Variants in PAX5 observed in about 807,000 individuals in gnomAD.
PAX5 encodes the protein paired box 5, also known as paired box protein Pax-5.
Under a neutral mutation model 43.7 loss-of-function variants are expected in PAX5, and 9 were observed. The ratio of observed to expected loss-of-function variants is 0.21; its 90% CI spans 0.12 to 0.36. PAX5 has a LOEUF of 0.36. PAX5 is among the 10% of genes least tolerant of loss of function. The probability of loss-of-function intolerance (pLI) is 1.00; values close to 1 mark genes in which losing one functional copy is unlikely to be tolerated. For missense variants in PAX5, 383 were observed against 532.7 expected (o/e 0.72, Z 2.77); for synonymous variants, 228 against 214.3 (o/e 1.06, Z -0.56).
intron 8 of PAX5, among the ~76,000 whole-genome samples, chr9:36,875,012 G>A (rs1309294168): frequency 1.3e-5 from 2 of 152,184 alleles, no homozygotes; most frequent in African/African-American, 2.4e-5. Flanking sequence ...GGGCCCTGAG[G>A]AGTTATGTAA....
intron 1 of PAX5, 89 bp downstream of exon 1, chr9:37,033,897 C>T: frequency 8.5e-7 from 1 of 1,180,002 alleles, no homozygotes; most frequent in Non-Finnish European, 1.3e-6. Flanking sequence ...GCGGCGCGCC[C>T]CCTCCTCCTC....
chr9:36,898,407 C>T (rs954152915), intron 7 of PAX5, among the ~76,000 whole-genome samples: 14 of 152,262 alleles, frequency 9.2e-5, no homozygotes, highest in African/African-American at 1.7e-4. Context: ...GAAGGAGGCA[C>T]GTGGGGTCTG....
rs1403558877 is a variant in PAX5 at position 36,883,969 on chromosome 9, T to C, written c.911-1864A>G. On this transcript the variant is annotated intron_variant, in intron 7 of 9. Transcript: ENST00000358127. ...GAGTCAGAGAATACCAACATCCCAA[T>C]AATCTTAGAAGAAATAGAAAAAGTT... 3.3e-5 allele frequency among the ~76,000 whole-genome samples: 5 copies of C among 152,106 alleles called. No homozygotes were observed. The East Asian group carries it at 7.7e-4, about 23-fold the overall frequency.
intron 6 of PAX5, among the ~76,000 whole-genome samples, chr9:36,965,526 C>CTCT (rs1204151044): frequency 6.6e-6 from 1 of 152,246 alleles, no homozygotes; most frequent in African/African-American, 2.4e-5. Context: ...AGAGGCCCTG[C>CTCT]TCTTCCCTCA....
chr9:37,014,952 G>T, intron 3 of PAX5, 45 bp downstream of exon 3: 1 of 1,566,326 alleles, frequency 6.4e-7, no homozygotes, highest in Non-Finnish European at 8.8e-7. Flanking sequence ...AGGATGCCCT[G>T]CCATCCCTCC....
At chr9:36,946,225 C>G (rs1178981265) in intron 6 of PAX5, among the ~76,000 whole-genome samples, 1 of 152,148 alleles carries the variant, frequency 6.6e-6, no homozygotes, top group Non-Finnish European at 1.5e-5. Context: ...CCCTGAGGCT[C>G]GCAGAGGGGC....
intron 8 of PAX5, 131 bp from the exon 9 acceptor site, chr9:36,847,060 C>A: frequency 1.6e-6 from 1 of 624,520 alleles, no homozygotes; most frequent in Non-Finnish European, 2.9e-6. Context: ...CTTTTGTAAC[C>A]AACAAAAGCA....
chr9:36,957,193 T>C (rs1283979125), intron 6 of PAX5, among the ~76,000 whole-genome samples: 2 of 152,240 alleles, frequency 1.3e-5, no homozygotes, highest in African/African-American at 2.4e-5. Flanking sequence ...AGGTTTCCCA[T>C]AGGAAGGCCC....
At position 36,848,350 on chromosome 9, in the gene PAX5, C is replaced by CCACACACACACACACACACACACACACA. The variant is rs55793420; in HGVS notation, c.1013-1449_1013-1422dup. 1.9e-3 allele frequency among the ~76,000 whole-genome samples: 255 copies of CCACACACACACACACACACACACACACA among 136,446 alleles called. 6 individuals are homozygous for CCACACACACACACACACACACACACACA. The highest frequency in any genetic ancestry group is 4.7e-3 in the African/African-American group (165 of 35,150). The allele number at this position is 136,446 out of a possible 152,430, so 89.5% of individuals were successfully genotyped here. ...CCTCACAACCACAGGCAGAGCGTGT[C>CCACACACACACACACACACACACACACA]CACACACACACACACACACACACAC... On this transcript the variant is annotated intron_variant, in intron 8 of 9. Coordinates refer to ENST00000358127, the MANE Select transcript of PAX5 (RefSeq NM_016734.3).
chr9:36,844,335 T>C (rs1233512261), intron 9 of PAX5, among the ~76,000 whole-genome samples: 3 of 152,182 alleles, frequency 2.0e-5, no homozygotes, highest in Non-Finnish European at 4.4e-5. Flanking sequence ...TGACCTGAAT[T>C]TAAATCCTCC....
At chr9:36,907,641 G>A (rs1828933058) in intron 7 of PAX5, among the ~76,000 whole-genome samples, 1 of 152,214 alleles carries the variant, frequency 6.6e-6, no homozygotes, top group Non-Finnish European at 1.5e-5. Flanking sequence ...AGACAGGGTG[G>A]AAGCTCTTTA....
At chr9:36,961,187 A>C (rs1019509950) in intron 6 of PAX5, among the ~76,000 whole-genome samples, 2 of 152,250 alleles carry the variant, frequency 1.3e-5, no homozygotes, top group African/African-American at 4.8e-5. Context: ...CCTTCCCAGG[A>C]ACAGGATGCC....
intron 6 of PAX5, among the ~76,000 whole-genome samples, chr9:36,924,768 GAA>G: frequency 7.6e-5 from 5 of 66,134 alleles, no homozygotes; most frequent in Non-Finnish European, 1.2e-4. Flanking sequence ...AGGAAGGAAG[GAA>G]GGAAGGAAGG....
intron 5 of PAX5, among the ~76,000 whole-genome samples, chr9:36,986,851 C>G (rs919869121): frequency 2.0e-5 from 3 of 152,214 alleles, no homozygotes; most frequent in African/African-American, 7.2e-5. Context: ...TTGAGCGACT[C>G]GCTTCCTGCT....
chr9:37,020,909 C>T, intron 1 of PAX5, 108 bp from the exon 2 acceptor site: 1 of 1,197,610 alleles, frequency 8.3e-7, no homozygotes, highest in South Asian at 1.4e-5. Context: ...AAATGGCCGG[C>T]AGGCTGGATG....
In PAX5 at chr9:36,836,627, C is replaced by T. The variant is rs777981544; in HGVS notation, c.*3933G>A. 3.3e-4 allele frequency: 77 copies of T among 232,860 alleles called. No homozygotes were observed. Among genetic ancestry groups the T allele is most frequent in the Non-Finnish European group, 5.4e-4 (64 of 117,872 alleles). 14.4% of individuals were successfully genotyped at this position (232,860 alleles called of 1,614,324 possible). ...GTGCGCTGCCCGAGTGGCAAGGCTACACCACCCCGTTCACCCAGGAAGCAG... is the reference window on the plus strand; with the variant it reads ...GTGCGCTGCCCGAGTGGCAAGGCTATACCACCCCGTTCACCCAGGAAGCAG... On this transcript the variant is annotated 3_prime_UTR_variant, in exon 10 of 10. Coordinates refer to ENST00000358127, the MANE Select transcript of PAX5 (RefSeq NM_016734.3).
At chr9:36,990,912 C>A (rs1836876840) in intron 5 of PAX5, among the ~76,000 whole-genome samples, 1 of 152,174 alleles carries the variant, frequency 6.6e-6, no homozygotes, top group African/African-American at 2.4e-5. Context: ...GAGTTTGAGA[C>A]CAGCCTGGAC....
intron 5 of PAX5, among the ~76,000 whole-genome samples, chr9:36,980,496 T>C (rs1835820461): frequency 6.6e-6 from 1 of 151,950 alleles, no homozygotes. Context: ...CCAGACAAAA[T>C]GACAACCCAC....
At chr9:36,854,313 C>T (rs761943811) in intron 8 of PAX5, among the ~76,000 whole-genome samples, 10 of 152,204 alleles carry the variant, frequency 6.6e-5, no homozygotes, top group Non-Finnish European at 1.3e-4. Flanking sequence ...TTTCATAATA[C>T]ACATGTATAG....
Sources: gnomAD v4.1 joint callset for allele counts (sites outside exome capture counted in the v4.1 genomes callset) on GRCh38, gnomAD v4.1.1 for gene constraint, MANE v1.5 for transcripts, NCBI Gene and HGNC (gene_info 2026-07-23, HGNC 2026-07-21) for gene names.